The following CLASP2 variants were observed in gnomAD, a reference collection of about 807,000 sequenced individuals.
The protein encoded by CLASP2 is CLIP-associating protein 2.
A neutral mutation model predicts 194.4 loss-of-function variants in CLASP2; 47 were observed. The observed-to-expected ratio is 0.24, with a 90% confidence interval of 0.19 to 0.31. CLASP2 has a LOEUF of 0.31. Among genes scored for constraint, CLASP2 ranks in the 10% least tolerant of loss-of-function variants. CLASP2 has a pLI of 1.00. For synonymous variants in CLASP2, 619 were observed against 633.5 expected, an observed-to-expected ratio of 0.98 and a Z score of 0.34; for missense variants, 1,445 against 1,823.6, an observed-to-expected ratio of 0.79 and a Z score of 3.78.
At chr3:33,554,180 T>C (rs2060516599) in intron 29 of CLASP2, among the ~76,000 whole-genome samples, 1 of 144,158 alleles carries the variant, frequency 6.9e-6, no homozygotes, top group Admixed American at 7.3e-5. Flanking sequence ...TGAACCGAGG[T>C]CACACCACTG....
intron 10 of CLASP2, 149 bp downstream of exon 10, chr3:33,626,839 T>C (rs1229296882): frequency 2.4e-5 from 14 of 573,704 alleles, no homozygotes; most frequent in South Asian, 1.8e-4. Flanking sequence ...ATGAGTATTA[T>C]ATCAATATAT....
chr3:33,551,501 T>C (rs2060001594), intron 29 of CLASP2, 106 bp from the exon 30 acceptor site: 1 of 1,113,604 alleles, frequency 9.0e-7, no homozygotes, highest in South Asian at 1.7e-5. Context: ...TTTTTTTATA[T>C]ACAGATAGGG....
At chr3:33,679,260 T>C (rs1157874645) in intron 6 of CLASP2, among the ~76,000 whole-genome samples, 1 of 152,142 alleles carries the variant, frequency 6.6e-6, no homozygotes, top group African/African-American at 2.4e-5. Flanking sequence ...GAACTAAATA[T>C]AAAAAGCAAA....
At chr3:33,538,656 A>C in intron 33 of CLASP2, 133 bp downstream of exon 33, 1 of 632,924 alleles carries the variant, frequency 1.6e-6, no homozygotes, top group Non-Finnish European at 2.5e-6. Flanking sequence ...TGTGGTAGAT[A>C]CTCAGTAAAT....
At chr3:33,551,476 G>A in intron 29 of CLASP2, 81 bp from the exon 30 acceptor site, 1 of 1,373,790 alleles carries the variant, frequency 7.3e-7, no homozygotes, top group Non-Finnish European at 9.8e-7. Flanking sequence ...ATAATCAGGT[G>A]ATGATGATGA....
At chr3:33,688,143 G>T (rs2090925457) in intron 4 of CLASP2, 134 bp downstream of exon 4, 1 of 585,150 alleles carries the variant, frequency 1.7e-6, no homozygotes, top group Non-Finnish European at 2.9e-6. Flanking sequence ...GAACAGTAAA[G>T]GTATCAAATG....
intron 36 of CLASP2, among the ~76,000 whole-genome samples, chr3:33,515,573 C>T (rs1249794874): frequency 2.0e-5 from 3 of 152,112 alleles, no homozygotes; most frequent in Admixed American, 6.6e-5. Flanking sequence ...TCACTGGAAC[C>T]GGGAGGCTGA....
chr3:33,551,206 G>C lies in CLASP2; in HGVS notation c.3153+46C>G, dbSNP rs531136848. 27 of 1,542,814 alleles carry C rather than the reference G, an allele frequency of 1.8e-5. No individual in the cohort carries two copies. The Admixed American group carries it at 3.0e-4, about 17-fold the overall frequency. ...CCTTCACTGGCAATCCATAATAACT[G>C]ACTTGCTTTCCCAATTTATCTTCTA... is the stretch of plus-strand genomic sequence containing the variant. On this transcript the variant is annotated intron_variant, in intron 30 of 38. Transcript: ENST00000682230.
At chr3:33,617,237 C>CT (rs202056691) in intron 12 of CLASP2, among the ~76,000 whole-genome samples, 2,011 of 151,818 alleles carry the variant, frequency 0.013, 20 homozygotes, top group Middle Eastern at 0.027. Context: ...AATAAACTTA[C>CT]TTTTTTTTAA....
At chr3:33,539,652 T>G (rs979562832) in intron 32 of CLASP2, among the ~76,000 whole-genome samples, 2 of 152,082 alleles carry the variant, frequency 1.3e-5, no homozygotes, top group African/African-American at 4.8e-5. Flanking sequence ...AAAATTTTAT[T>G]AAACATAGTC....
At chr3:33,669,801 T>C (rs937038251) in intron 6 of CLASP2, among the ~76,000 whole-genome samples, 18 of 152,240 alleles carry the variant, frequency 1.2e-4, no homozygotes, top group African/African-American at 4.3e-4. Flanking sequence ...TAATGGAAAC[T>C]TGCAAACAGT....
rs922994864 is a variant in CLASP2 at position 33,717,945 on chromosome 3, C to G, written c.58G>C (p.Gly20Arg). 1 of 1,546,392 alleles carries G rather than the reference C, an allele frequency of 6.5e-7. No individual in the cohort carries two copies. Among genetic ancestry groups the G allele is most frequent in the Admixed American group, 2.0e-5 (1 of 50,856 alleles). ...AGCTCCTGGCCGACCTGCAGCCGGC[C>G]GCCGACGTCCTTCTGCTGCACCTGG... ...CAQVQQKDVG[G>R]RLQVGQELLL... Residue 20 changes from glycine to arginine, a missense_variant, in exon 1 of 39, where the codon GGC becomes CGC. By Grantham distance (125) the Gly-to-Arg change is moderately radical. Around this residue, in one of 4 missense-constraint regions of CLASP2, gnomAD observed 332 missense variants for 325.3 expected, o/e 1.02. Transcript: ENST00000682230.
chr3:33,530,633 A>G (rs998628436), intron 34 of CLASP2, among the ~76,000 whole-genome samples: 5 of 152,214 alleles, frequency 3.3e-5, no homozygotes, highest in African/African-American at 9.7e-5. Flanking sequence ...GCATTGCACT[A>G]TGATGGTATG....
chr3:33,622,040 T>A (rs1323070402), intron 11 of CLASP2, 95 bp downstream of exon 11: 1 of 922,114 alleles, frequency 1.1e-6, no homozygotes, highest in East Asian at 2.8e-5. Context: ...TATACTTTTT[T>A]AGCTATCTTG....
intron 2 of CLASP2, among the ~76,000 whole-genome samples, chr3:33,693,946 G>A (rs370777706): frequency 3.2e-4 from 49 of 152,108 alleles, no homozygotes; most frequent in African/African-American, 1.2e-3. Flanking sequence ...GTAAGTTAAT[G>A]TAATTTATTA....
chr3:33,627,476 T>C (rs1192593236), intron 9 of CLASP2, among the ~76,000 whole-genome samples: 2 of 152,164 alleles, frequency 1.3e-5, no homozygotes, highest in African/African-American at 4.8e-5. Context: ...TAGTTTTAAT[T>C]TTCTCTCCTC....
intron 7 of CLASP2, among the ~76,000 whole-genome samples, chr3:33,651,800 C>T (rs927774028): frequency 2.0e-5 from 3 of 151,834 alleles, no homozygotes; most frequent in African/African-American, 7.3e-5. Context: ...GCTGGGATTA[C>T]AGGCATGCAC....
At chr3:33,580,699 A>G (rs1560134854) in intron 23 of CLASP2, among the ~76,000 whole-genome samples, 1 of 151,992 alleles carries the variant, frequency 6.6e-6, no homozygotes, top group Non-Finnish European at 1.5e-5. Context: ...TCTAAGTATT[A>G]CAGTAAACTA....
chr3:33,685,268 G>A (rs1292673444), intron 5 of CLASP2, among the ~76,000 whole-genome samples: 1 of 148,916 alleles, frequency 6.7e-6, no homozygotes, highest in African/African-American at 2.5e-5. Flanking sequence ...CTTGAACCAG[G>A]GAGGTGGAGG....
Sources: gnomAD v4.1 joint callset for allele counts (sites outside exome capture counted in the v4.1 genomes callset) on GRCh38, gnomAD v4.1.1 for gene constraint, gnomAD v4.1.1 regional missense constraint, MANE v1.5 for transcripts, NCBI Gene and HGNC (gene_info 2026-07-23, HGNC 2026-07-21) for gene names.